EPB41L4A: variants seen among roughly 807,000 people sequenced by gnomAD.
EPB41L4A encodes the protein band 4.1-like protein 4A.
Under a neutral mutation model 108.6 loss-of-function variants are expected in EPB41L4A, and 100 were observed. The observed-to-expected ratio is 0.92, with a 90% confidence interval of 0.78 to 1.09. EPB41L4A has a LOEUF of 1.09. Ranked by LOEUF, EPB41L4A falls within the 50% of genes least tolerant of loss-of-function variation. The pLI, the probability that EPB41L4A is intolerant of heterozygous loss-of-function variation, is 0.00. For missense variants in EPB41L4A, 1,030 were observed against 842.7 expected, an observed-to-expected ratio of 1.22 and a Z score of -2.75; for synonymous variants, 319 against 289.0, an observed-to-expected ratio of 1.10 and a Z score of -1.05.
At chr5:112,247,145 C>A (rs1178559560) in intron 9 of EPB41L4A, among the ~76,000 whole-genome samples, 1 of 152,124 alleles carries the variant, frequency 6.6e-6, no homozygotes, top group Non-Finnish European at 1.5e-5. Flanking sequence ...GATTGTATAA[C>A]ATGCACATGG....
At chr5:112,339,529 T>TATCTATATATAG (rs1757164609) in intron 1 of EPB41L4A, among the ~76,000 whole-genome samples, 2 of 62,638 alleles carry the variant, frequency 3.2e-5, no homozygotes, top group South Asian at 7.3e-4. Flanking sequence ...GATATATATC[T>TATCTATATATAG]ATATATATAT....
intron 1 of EPB41L4A, among the ~76,000 whole-genome samples, chr5:112,331,945 A>T (rs1291253018): frequency 6.6e-6 from 1 of 152,244 alleles, no homozygotes; most frequent in Non-Finnish European, 1.5e-5. Context: ...GACTCCCAAG[A>T]ACAGCCAGGG....
intron 15 of EPB41L4A, among the ~76,000 whole-genome samples, chr5:112,199,744 C>G (rs754596483): frequency 2.4e-4 from 36 of 152,168 alleles, no homozygotes; most frequent in Non-Finnish European, 4.7e-4. Flanking sequence ...ACTGAACAAG[C>G]CTGGGTTTCA....
chr5:112,197,465 T>C (rs1186510974), intron 15 of EPB41L4A, among the ~76,000 whole-genome samples: 3 of 152,228 alleles, frequency 2.0e-5, no homozygotes, highest in African/African-American at 7.2e-5. Context: ...AACACAATTA[T>C]ACCGAAATTG....
At chr5:112,389,675 G>T (rs1760799572) in intron 1 of EPB41L4A, among the ~76,000 whole-genome samples, 2 of 152,060 alleles carry the variant, frequency 1.3e-5, no homozygotes, top group African/African-American at 4.8e-5. Context: ...CGTCTATAAA[G>T]GCAACTTCCT....
chr5:112,176,394 CACCTG>C (rs1354236793), intron 18 of EPB41L4A, among the ~76,000 whole-genome samples: 1 of 152,048 alleles, frequency 6.6e-6, no homozygotes, highest in African/African-American at 2.4e-5. Context: ...TTCAGTTGTC[CACCTG>C]ACATTTCCAT....
chr5:112,243,235 C>T (rs570929525), intron 9 of EPB41L4A, among the ~76,000 whole-genome samples: 1 of 148,608 alleles, frequency 6.7e-6, no homozygotes, highest in Admixed American at 6.8e-5. Flanking sequence ...ATATATATAT[C>T]TATGTATATA....
intron 1 of EPB41L4A, among the ~76,000 whole-genome samples, chr5:112,366,950 C>T (rs1205193050): frequency 6.6e-6 from 1 of 152,194 alleles, no homozygotes; most frequent in African/African-American, 2.4e-5. Flanking sequence ...AGACATGGAA[C>T]AGAGCCATCT....
intron 2 of EPB41L4A, among the ~76,000 whole-genome samples, chr5:112,298,408 T>C (rs1231029877): frequency 6.6e-6 from 1 of 152,162 alleles, no homozygotes; most frequent in South Asian, 2.1e-4. Flanking sequence ...ATGCAGAATT[T>C]TGTCAAATGC....
At chr5:112,152,116 T>C (rs1218229023) in intron 12 of EPB41L4A, among the ~76,000 whole-genome samples, 2 of 151,610 alleles carry the variant, frequency 1.3e-5, no homozygotes, top group Non-Finnish European at 2.9e-5. Flanking sequence ...ATAACTTCCA[T>C]ACTATGACAG....
chr5:112,175,043 G>A lies in EPB41L4A; in HGVS notation c.1623-4051C>T, dbSNP rs573723011. ...CTCAGGAGGCACTTCCGGGTTGGGG[G>A]TGGGGGTTCATGTTATATCTTCACC... On this transcript the variant is annotated intron_variant, in intron 18 of 22. Coordinates refer to ENST00000261486, the MANE Select transcript of EPB41L4A (RefSeq NM_022140.5). Among the ~76,000 whole-genome samples, 100 of 152,228 alleles carry A rather than the reference G, an allele frequency of 6.6e-4. 1 individual carries two copies. Among genetic ancestry groups the A allele is most frequent in the African/African-American group, 2.2e-3 (93 of 41,510 alleles).
chr5:112,351,157 G>A (rs1171497983), intron 1 of EPB41L4A, among the ~76,000 whole-genome samples: 4 of 152,150 alleles, frequency 2.6e-5, no homozygotes, highest in Admixed American at 6.5e-5. Flanking sequence ...AAATGAAATT[G>A]AGACTAGAAA....
At chr5:112,193,164 G>C (rs973945297) in intron 17 of EPB41L4A, among the ~76,000 whole-genome samples, 1 of 152,196 alleles carries the variant, frequency 6.6e-6, no homozygotes, top group East Asian at 1.9e-4. Flanking sequence ...TTACAATGCT[G>C]TCTGGGCTAT....
intron 1 of EPB41L4A, among the ~76,000 whole-genome samples, chr5:112,370,053 C>G (rs530113188): frequency 1.3e-5 from 2 of 152,268 alleles, no homozygotes; most frequent in African/African-American, 4.8e-5. Context: ...GAGACAGGGT[C>G]TTACTTTGTC....
At chr5:112,352,836 C>G (rs1758130719) in intron 1 of EPB41L4A, among the ~76,000 whole-genome samples, 1 of 152,162 alleles carries the variant, frequency 6.6e-6, no homozygotes, top group Non-Finnish European at 1.5e-5. Context: ...TCATAGGAAT[C>G]TGTTGTGGAG....
intron 15 of EPB41L4A, among the ~76,000 whole-genome samples, chr5:112,201,811 T>C (rs1762234517): frequency 6.6e-6 from 1 of 152,174 alleles, no homozygotes; most frequent in African/African-American, 2.4e-5. Flanking sequence ...TTTATTTAAA[T>C]GAGGGCTATC....
chr5:112,270,281 T>A (rs1165552476), intron 4 of EPB41L4A, among the ~76,000 whole-genome samples: 4 of 152,142 alleles, frequency 2.6e-5, no homozygotes, highest in African/African-American at 9.7e-5. Flanking sequence ...GGAGTTTGAT[T>A]TTAGGTGCTA....
intron 1 of EPB41L4A, among the ~76,000 whole-genome samples, chr5:112,396,426 T>C (rs973090712): frequency 5.9e-5 from 9 of 152,034 alleles, no homozygotes; most frequent in African/African-American, 2.2e-4. Context: ...GGAGGACAAC[T>C]ACATGGCACT....
intron 12 of EPB41L4A, among the ~76,000 whole-genome samples, chr5:112,215,569 T>C (rs1341784673): frequency 6.6e-6 from 1 of 152,052 alleles, no homozygotes; most frequent in Non-Finnish European, 1.5e-5. Flanking sequence ...GAGACCATTC[T>C]GGTTAACAAT....
Sources: allele counts gnomAD v4.1 joint callset (sites outside exome capture counted in the v4.1 genomes callset), GRCh38; gene constraint gnomAD v4.1.1; transcripts MANE v1.5; gene names NCBI Gene and HGNC (gene_info 2026-07-23, HGNC 2026-07-21).